Variants in RASAL2 observed in about 807,000 individuals in gnomAD.
RASAL2 encodes the protein ras GTPase-activating protein nGAP.
A neutral mutation model predicts 128.9 loss-of-function variants in RASAL2; 58 were observed. The observed-to-expected ratio is 0.45, with a 90% confidence interval of 0.36 to 0.56. The LOEUF (loss-of-function observed/expected upper bound fraction) is 0.56, where lower values mean the gene tolerates loss of function less well. Among genes scored for constraint, RASAL2 ranks in the 20% least tolerant of loss-of-function variants. RASAL2 has a pLI of 0.00. For synonymous variants in RASAL2, 561 were observed against 580.8 expected, an observed-to-expected ratio of 0.97 and a Z score of 0.49; for missense variants, 1,360 against 1,601.6, an observed-to-expected ratio of 0.85 and a Z score of 2.57.
At chr1:178,180,663 TCACA>T (rs3979280) in intron 1 of RASAL2, among the ~76,000 whole-genome samples, 23 of 139,212 alleles carry the variant, frequency 1.7e-4, no homozygotes, top group South Asian at 7.2e-4. Flanking sequence ...CGAGACTGTC[TCACA>T]CACACACACA....
At chr1:178,173,284 T>G (rs970915156) in intron 1 of RASAL2, among the ~76,000 whole-genome samples, 5 of 152,108 alleles carry the variant, frequency 3.3e-5, no homozygotes, top group Non-Finnish European at 7.4e-5. Flanking sequence ...GAAAATAGTT[T>G]TAACAGTCCA....
intron 4 of RASAL2, among the ~76,000 whole-genome samples, chr1:178,416,421 CATATATATCAT>C (rs1674760713): frequency 6.6e-6 from 1 of 151,838 alleles, no homozygotes; most frequent in Non-Finnish European, 1.5e-5. Flanking sequence ...TATACATAAG[CATATATATCAT>C]ATAGACATAA....
intron 4 of RASAL2, among the ~76,000 whole-genome samples, chr1:178,408,915 A>T (rs1221429896): frequency 6.6e-6 from 1 of 152,082 alleles, no homozygotes; most frequent in Non-Finnish European, 1.5e-5. Context: ...TATCTTCTGT[A>T]TTAGTCTGTT....
intron 1 of RASAL2, among the ~76,000 whole-genome samples, chr1:178,263,274 A>G (rs1057495935): frequency 5.9e-5 from 9 of 152,188 alleles, no homozygotes; most frequent in East Asian, 1.9e-4. Context: ...AACAAGTGCT[A>G]TTATTTATTG....
rs141959349 is a variant in RASAL2 at position 178,274,403 on chromosome 1, G to A, written c.203-9161G>A. ...GCAAGCATGAGAATATATTAATATA[G>A]GGAGAGATACTAAATATAACAAAAG... On this transcript the variant is annotated intron_variant, in intron 1 of 17. Transcript: ENST00000367649. 1.7e-3 allele frequency among the ~76,000 whole-genome samples: 263 copies of A among 152,278 alleles called. 2 individuals are homozygous for A. The highest frequency in any genetic ancestry group is 6.1e-3 in the African/African-American group (255 of 41,550).
At chr1:178,191,359 A>C (rs900972333) in intron 1 of RASAL2, among the ~76,000 whole-genome samples, 3 of 151,912 alleles carry the variant, frequency 2.0e-5, no homozygotes, top group South Asian at 2.1e-4. Context: ...TGAAAAAAAA[A>C]CACATACAAA....
At chr1:178,173,007 G>A (rs901660688) in intron 1 of RASAL2, among the ~76,000 whole-genome samples, 2 of 152,034 alleles carry the variant, frequency 1.3e-5, no homozygotes, top group Non-Finnish European at 1.5e-5. Flanking sequence ...TCAGTTTCAG[G>A]CTTAGATAAT....
intron 3 of RASAL2, among the ~76,000 whole-genome samples, chr1:178,305,701 C>T (rs1430442067): frequency 2.6e-5 from 4 of 151,970 alleles, no homozygotes; most frequent in South Asian, 2.1e-4. Context: ...ACCCCCAAGT[C>T]GAAATTTGTT....
intron 1 of RASAL2, among the ~76,000 whole-genome samples, chr1:178,254,459 A>C (rs927887174): frequency 2.6e-5 from 4 of 152,250 alleles, no homozygotes; most frequent in African/African-American, 9.6e-5. Flanking sequence ...GAAACTTATA[A>C]AGAAAACAGT....
chr1:178,448,323 A>G (rs973306331), intron 9 of RASAL2, among the ~76,000 whole-genome samples: 2 of 152,248 alleles, frequency 1.3e-5, no homozygotes, highest in African/African-American at 4.8e-5. Flanking sequence ...CACCTTAAAT[A>G]TCACTAGTGA....
chr1:178,396,651 A>G (rs1227653531), intron 4 of RASAL2, among the ~76,000 whole-genome samples: 3 of 152,136 alleles, frequency 2.0e-5, no homozygotes, highest in East Asian at 1.9e-4. Context: ...CCTTTCTACC[A>G]TAAGGCCCTT....
At chr1:178,103,675 C>T (rs1329388551) in intron 1 of RASAL2, among the ~76,000 whole-genome samples, 2 of 151,720 alleles carry the variant, frequency 1.3e-5, no homozygotes, top group Admixed American at 1.3e-4. Flanking sequence ...ATACCTTTTG[C>T]CCATTTTTAT....
chr1:178,439,891 AG>A, intron 6 of RASAL2, among the ~76,000 whole-genome samples: 1 of 152,180 alleles, frequency 6.6e-6, no homozygotes, highest in East Asian at 1.9e-4. Flanking sequence ...AGTATTGGTA[AG>A]GATGTCACTC....
chr1:178,332,613 CTTTT>C (rs72401422), intron 3 of RASAL2, among the ~76,000 whole-genome samples: 2 of 136,104 alleles, frequency 1.5e-5, no homozygotes, highest in Admixed American at 1.4e-4. Flanking sequence ...GTCTCCAATT[CTTTT>C]TTTTTTTTTT....
At chr1:178,287,257 A>T (rs1449922249) in intron 2 of RASAL2, among the ~76,000 whole-genome samples, 1 of 151,772 alleles carries the variant, frequency 6.6e-6, no homozygotes, top group Non-Finnish European at 1.5e-5. Context: ...CTGGTGTTAA[A>T]CAAATGGCTG....
intron 1 of RASAL2, among the ~76,000 whole-genome samples, chr1:178,167,487 A>G (rs1004471633): frequency 1.3e-5 from 2 of 151,978 alleles, no homozygotes; most frequent in African/African-American, 4.8e-5. Context: ...CATTAATTTG[A>G]TTTTTCTTTT....
intron 3 of RASAL2, among the ~76,000 whole-genome samples, chr1:178,360,737 A>G (rs572458629): frequency 6.6e-6 from 1 of 152,342 alleles, no homozygotes; most frequent in African/African-American, 2.4e-5. Flanking sequence ...AGAAGGTGTC[A>G]ACGGGGTTGT....
chr1:178,353,153 C>T (rs968560918), intron 3 of RASAL2, among the ~76,000 whole-genome samples: 12 of 152,224 alleles, frequency 7.9e-5, no homozygotes, highest in Non-Finnish European at 1.3e-4. Context: ...GGGCTCTTCT[C>T]TTCTACCACA....
chr1:178,460,140 T>C (rs751457061), intron 14 of RASAL2, among the ~76,000 whole-genome samples: 1 of 152,072 alleles, frequency 6.6e-6, no homozygotes, highest in Non-Finnish European at 1.5e-5. Context: ...GAAGCAAATA[T>C]CTACTCAGGG....
Sources: allele counts gnomAD v4.1 joint callset (sites outside exome capture counted in the v4.1 genomes callset), GRCh38; gene constraint gnomAD v4.1.1; transcripts MANE v1.5; gene names NCBI Gene and HGNC (gene_info 2026-07-23, HGNC 2026-07-21).